Variants in MAGI2 observed in about 807,000 individuals in gnomAD.
MAGI2 encodes membrane-associated guanylate kinase, WW and PDZ domain-containing protein 2.
MAGI2 carries 35 observed loss-of-function variants against 133.3 expected under a neutral mutation model. The ratio of observed to expected loss-of-function variants is 0.26; its 90% CI spans 0.20 to 0.35. The LOEUF (loss-of-function observed/expected upper bound fraction) is 0.35. MAGI2 is among the 10% of genes least tolerant of loss of function. MAGI2 has a pLI of 1.00. For synonymous variants in MAGI2, 729 were observed against 710.6 expected, an observed-to-expected ratio of 1.03 and a Z score of -0.41; for missense variants, 1,636 against 1,863.4, an observed-to-expected ratio of 0.88 and a Z score of 2.25.
At chr7:78,025,926 A>G (rs1808868814) in intron 21 of MAGI2, 1 of 152,328 alleles carries the variant, frequency 6.6e-6, no homozygotes, top group Non-Finnish European at 1.5e-5. Flanking sequence ...CTTTACTTAA[A>G]GGAGCTCTGT....
chr7:79,075,214 T>A (rs1457208040), intron 1 of MAGI2, among the ~76,000 whole-genome samples: 2 of 152,156 alleles, frequency 1.3e-5, no homozygotes, highest in Non-Finnish European at 2.9e-5. Context: ...TGACCAGAGC[T>A]GGATCACATG....
At chr7:78,415,769 T>C (rs1393514419) in intron 6 of MAGI2, among the ~76,000 whole-genome samples, 1 of 152,112 alleles carries the variant, frequency 6.6e-6, no homozygotes, top group East Asian at 1.9e-4. Context: ...GTGGCGTCTT[T>C]TAAATGTCTG....
chr7:79,115,870 T>G lies in MAGI2; in HGVS notation c.302-108664A>C, dbSNP rs1021800753. On this transcript the variant is annotated intron_variant, in intron 1 of 21. Coordinates refer to ENST00000354212, the MANE Select transcript of MAGI2 (RefSeq NM_012301.4). ...TGTTTTAAAGTTTTTTTTTTTTTTT[T>G]TTTTTTTTTTTTAAAGAAACAACAT... Among the ~76,000 whole-genome samples, 5 of 149,662 alleles carry G rather than the reference T, an allele frequency of 3.3e-5. No individual in the cohort carries two copies. The South Asian group carries it at 6.3e-4, about 19-fold the overall frequency.
chr7:78,558,921 G>T (rs1411363203), intron 3 of MAGI2, among the ~76,000 whole-genome samples: 1 of 149,754 alleles, frequency 6.7e-6, no homozygotes, highest in Non-Finnish European at 1.5e-5. Flanking sequence ...AATAATCGAG[G>T]TCATGTGCAG....
chr7:78,234,593 TATA>T (rs1790324346), intron 10 of MAGI2, among the ~76,000 whole-genome samples: 2 of 10,382 alleles, frequency 1.9e-4, no homozygotes, highest in East Asian at 5.1e-3. Flanking sequence ...TTTCATATAA[TATA>T]ATGAATATAT....
At chr7:79,352,436 G>T (rs991371104) in intron 1 of MAGI2, among the ~76,000 whole-genome samples, 1 of 152,226 alleles carries the variant, frequency 6.6e-6, no homozygotes, top group African/African-American at 2.4e-5. Flanking sequence ...AGACTGGTCA[G>T]AGATTGGTAG....
intron 2 of MAGI2, among the ~76,000 whole-genome samples, chr7:78,717,644 T>G (rs146254724): frequency 6.6e-6 from 1 of 152,308 alleles, no homozygotes; most frequent in African/African-American, 2.4e-5. Context: ...AAATTTTTAT[T>G]TACTGCAAAC....
At chr7:78,044,691 GTGTGTGTGTGTGTGCA>G (rs1811218227) in intron 21 of MAGI2, among the ~76,000 whole-genome samples, 1 of 108,672 alleles carries the variant, frequency 9.2e-6, no homozygotes, top group African/African-American at 4.0e-5. Context: ...GTGTGTGTGT[GTGTGTGTGTGTGTGCA>G]CGTGTGCACA....
intron 2 of MAGI2, among the ~76,000 whole-genome samples, chr7:78,734,995 C>G (rs1463004064): frequency 2.6e-5 from 4 of 152,152 alleles, no homozygotes; most frequent in Non-Finnish European, 5.9e-5. Flanking sequence ...CATAACTTTT[C>G]TGTGTCGAGT....
intron 2 of MAGI2, among the ~76,000 whole-genome samples, chr7:78,652,580 C>T (rs1480904116): frequency 6.6e-6 from 1 of 151,772 alleles, no homozygotes; most frequent in Admixed American, 6.6e-5. Flanking sequence ...ATGCAGAAAA[C>T]TGAAACTAGA....
intron 7 of MAGI2, among the ~76,000 whole-genome samples, chr7:78,368,925 A>G (rs1052740301): frequency 1.3e-5 from 2 of 152,086 alleles, no homozygotes; most frequent in African/African-American, 4.8e-5. Context: ...AGTGTGAAAC[A>G]CACTTTTTCA....
At chr7:78,343,391 G>C (rs1298018308) in intron 9 of MAGI2, among the ~76,000 whole-genome samples, 1 of 152,056 alleles carries the variant, frequency 6.6e-6, no homozygotes, top group Admixed American at 6.5e-5. Flanking sequence ...ACTAACCTGG[G>C]TGATATAGCA....
At chr7:79,168,895 T>TATATATAG (rs1554392971) in intron 1 of MAGI2, among the ~76,000 whole-genome samples, 243 of 7,960 alleles carry the variant, frequency 0.031, 2 homozygotes, top group African/African-American at 0.054. Context: ...GATAGATATA[T>TATATATAG]ATATATATAT....
intron 20 of MAGI2, among the ~76,000 whole-genome samples, chr7:78,115,664 T>C (rs1420138748): frequency 6.6e-6 from 1 of 152,140 alleles, no homozygotes; most frequent in African/African-American, 2.4e-5. Flanking sequence ...CCAAAAAACA[T>C]GTCCTCAAAG....
At chr7:78,283,924 G>A (rs1252406310) in intron 9 of MAGI2, among the ~76,000 whole-genome samples, 1 of 152,058 alleles carries the variant, frequency 6.6e-6, no homozygotes, top group African/African-American at 2.4e-5. Flanking sequence ...GAAAATTGAT[G>A]AAAAATATTA....
chr7:78,498,110 C>T (rs1445904636), intron 5 of MAGI2, among the ~76,000 whole-genome samples: 5 of 152,010 alleles, frequency 3.3e-5, no homozygotes, highest in Non-Finnish European at 7.4e-5. Flanking sequence ...ATGTACTAGA[C>T]TTTTGAAAAT....
chr7:78,720,484 A>C (rs1033087637), intron 2 of MAGI2, among the ~76,000 whole-genome samples: 2 of 152,052 alleles, frequency 1.3e-5, no homozygotes, highest in African/African-American at 4.8e-5. Flanking sequence ...AAAATCAGTC[A>C]TCTTAACCAT....
intron 2 of MAGI2, among the ~76,000 whole-genome samples, chr7:78,789,606 A>C (rs1341257536): frequency 6.6e-6 from 1 of 152,078 alleles, no homozygotes; most frequent in African/African-American, 2.4e-5. Flanking sequence ...TATTTATGAG[A>C]TATTTTGATA....
chr7:78,207,202 C>A (rs1787188617), intron 10 of MAGI2, among the ~76,000 whole-genome samples: 1 of 150,812 alleles, frequency 6.6e-6, no homozygotes, highest in Non-Finnish European at 1.5e-5. Context: ...CACCTGAACA[C>A]CCACACAGAC....
Sources: gnomAD v4.1 joint callset for allele counts (sites outside exome capture counted in the v4.1 genomes callset) on GRCh38, gnomAD v4.1.1 for gene constraint, MANE v1.5 for transcripts, NCBI Gene and HGNC (gene_info 2026-07-23, HGNC 2026-07-21) for gene names.